AP2S1: variants seen among roughly 807,000 people sequenced by gnomAD.
The protein encoded by AP2S1 is adaptor related protein complex 2 subunit sigma 1.
AP2S1 carries 6 observed loss-of-function variants against 21.0 expected under a neutral mutation model. The observed-to-expected ratio is 0.29, with a 90% CI of 0.16 to 0.56. AP2S1 has a LOEUF of 0.56. Among genes scored for constraint, AP2S1 ranks in the 20% least tolerant of loss-of-function variants. The pLI, the probability that AP2S1 is intolerant of heterozygous loss-of-function variation, is 0.92. For synonymous variants in AP2S1, 63 were observed against 74.6 expected (o/e 0.84, Z 0.80); for missense variants, 60 against 186.2 (o/e 0.32, Z 3.95).
chr19:46,847,302 C>T (rs2055653780), intron 1 of AP2S1, among the ~76,000 whole-genome samples: 2 of 151,768 alleles, frequency 1.3e-5, no homozygotes, highest in African/African-American at 4.8e-5. Context: ...GGCGCGATCC[C>T]GCCTCACTGC....
At chr19:46,841,176 A>G (rs528939395) in intron 2 of AP2S1, among the ~76,000 whole-genome samples, 1 of 150,162 alleles carries the variant, frequency 6.7e-6, no homozygotes, top group South Asian at 2.1e-4. Flanking sequence ...CTGGTCTCCA[A>G]CTCCTGACCT....
At chr19:46,844,945 T>C (rs1172952164) in intron 2 of AP2S1, among the ~76,000 whole-genome samples, 2 of 150,858 alleles carry the variant, frequency 1.3e-5, no homozygotes, top group East Asian at 3.9e-4. Context: ...CTACTAAAAA[T>C]ACAAAAATTA....
chr19:46,840,205 T>C (rs1275046224), intron 2 of AP2S1, among the ~76,000 whole-genome samples: 1 of 151,812 alleles, frequency 6.6e-6, no homozygotes, highest in Non-Finnish European at 1.5e-5. Flanking sequence ...ACACACACCG[T>C]GAACAAACAT....
At chr19:46,848,639 C>T (rs547594596) in intron 1 of AP2S1, among the ~76,000 whole-genome samples, 1 of 152,290 alleles carries the variant, frequency 6.6e-6, no homozygotes, top group East Asian at 1.9e-4. Context: ...AGTCCAAAGG[C>T]TTTGCTCTGA....
chr19:46,845,869 T>A, intron 2 of AP2S1, 124 bp downstream of exon 2: 1 of 1,266,408 alleles, frequency 7.9e-7, no homozygotes. Flanking sequence ...TCAAAGCAGG[T>A]TGAGTGAATG....
rs1302431103 is a variant in AP2S1 at position 46,845,411 on chromosome 19, AAGT to A, written c.153+579_153+581del. Among the ~76,000 whole-genome samples, 15 of 98,494 alleles carry A rather than the reference AAGT, an allele frequency of 1.5e-4. 1 individual carries two copies. Among genetic ancestry groups the A allele is most frequent in the Admixed American group, 1.0e-3 (11 of 10,930 alleles). 64.6% of individuals were successfully genotyped at this position (98,494 alleles called of 152,430 possible). The stretch of plus-strand genomic sequence containing the variant: ...ACAGAGTAAGACTCTGTCTCAAAAA[AAGT>A]AATTAATTAATTAATTAATTAATTA... On this transcript the variant is annotated intron_variant, in intron 2 of 4. Coordinates refer to ENST00000263270, the MANE Select transcript of AP2S1 (RefSeq NM_004069.6).
At chr19:46,843,345 C>T (rs534426383) in intron 2 of AP2S1, among the ~76,000 whole-genome samples, 2 of 152,310 alleles carry the variant, frequency 1.3e-5, no homozygotes, top group African/African-American at 2.4e-5. Flanking sequence ...AGCCTCAAGT[C>T]GGCCAATGGC....
Position 46,850,751 on chromosome 19 carries a change from G to C in AP2S1, c.3+13C>G, listed in dbSNP as rs759974290. 1 of 1,577,934 alleles carries C rather than the reference G, an allele frequency of 6.3e-7. No homozygotes were observed. The highest frequency in any genetic ancestry group is 8.7e-7 in the Non-Finnish European group (1 of 1,153,344). ...CCCCTCCGCCAGTCCCCGGCGTAGCGCTCCCCCGTTACCATGGCGACCCCC... is the reference window on the plus strand; with the variant it reads ...CCCCTCCGCCAGTCCCCGGCGTAGCCCTCCCCCGTTACCATGGCGACCCCC... On this transcript the variant is annotated intron_variant, in intron 1 of 4. Coordinates refer to ENST00000263270, the MANE Select transcript of AP2S1 (RefSeq NM_004069.6).
chr19:46,838,183 G>A lies in AP2S1; in HGVS notation c.*264C>T, dbSNP rs2055444098. 2.0e-6 allele frequency: 1 copy of A among 503,518 alleles called. No homozygotes were observed. Among genetic ancestry groups the A allele is most frequent in the East Asian group, 3.4e-5 (1 of 29,206 alleles). 31.2% of individuals were successfully genotyped at this position (503,518 alleles called of 1,614,324 possible). On this transcript the variant is annotated 3_prime_UTR_variant, in exon 5 of 5. Transcript: ENST00000263270. The surrounding 1 kb of genome is among the most constrained non-coding windows in gnomAD (Gnocchi z 4.1). The stretch of plus-strand genomic sequence containing the variant: ...GACGGCAAGGCCAGGCAGGACCACA[G>A]GTTTATTGGGGACTCCACGCACAGA...
chr19:46,839,311 A>AAAT (rs2055471289), intron 3 of AP2S1, among the ~76,000 whole-genome samples, 154 bp downstream of exon 3: 1 of 129,814 alleles, frequency 7.7e-6, no homozygotes, highest in Non-Finnish European at 1.6e-5. Context: ...AAAAAAAAAA[A>AAAT]AAAAAAGAAA....
Position 46,838,516 on chromosome 19 carries a change from A to C in AP2S1, c.360T>G (p.Ala120=). 1 of 1,614,082 alleles carries C rather than the reference A, an allele frequency of 6.2e-7. No individual in the cohort carries two copies. Among genetic ancestry groups the C allele is most frequent in the Non-Finnish European group, 8.5e-7 (1 of 1,180,022 alleles). The change falls in exon 5 of 5, where the codon GCT becomes GCG. Residue 120 remains alanine (A), a synonymous_variant. Coordinates refer to ENST00000263270, the MANE Select transcript of AP2S1 (RefSeq NM_004069.6). This position sits in a 1 kb window ranked among gnomAD's most constrained non-coding sequence, Gnocchi z 4.1. ...TCTGGCTGGTCTCTCGGATTTCGCC[A>C]GCCAGGAACATCTCGTCCACGACCG... ...VYTVVDEMFL[A]GEIRETSQTK... is the part of the protein sequence containing the mutation.
chr19:46,845,405 C>T (rs1437283942), intron 2 of AP2S1, among the ~76,000 whole-genome samples: 2 of 124,972 alleles, frequency 1.6e-5, no homozygotes, highest in Non-Finnish European at 3.3e-5. Context: ...GACTCTGTCT[C>T]AAAAAAAGTA....
In AP2S1 at chr19:46,839,628, G is replaced by T. The variant is rs776498216; in HGVS notation, c.154-50C>A. On this transcript the variant is annotated intron_variant, in intron 2 of 4. Coordinates refer to ENST00000263270, the MANE Select transcript of AP2S1 (RefSeq NM_004069.6). ...AACGGAGATTGCCAGGACCTAACGT[G>T]CCAGACAGAGTGGGGCCAAAACATT... 24 of 1,612,972 alleles carry T rather than the reference G, an allele frequency of 1.5e-5. No individual in the cohort carries two copies. The East Asian group carries it at 5.1e-4, about 34-fold the overall frequency.
chr19:46,838,648 C>T lies in AP2S1; in HGVS notation c.327+92G>A. 1 of 1,570,730 alleles carries T rather than the reference C, an allele frequency of 6.4e-7. No homozygotes were observed. ...GATGCCCCTCGAGCTGGGACACAGA[C>T]CTCAGCAGAGGCTCCGGGTGGCTAG... On this transcript the variant is annotated intron_variant, in intron 4 of 4. Transcript: ENST00000263270. The surrounding 1 kb of genome is among the most constrained non-coding windows in gnomAD (Gnocchi z 4.1).
At chr19:46,845,101 A>G (rs1414671525) in intron 2 of AP2S1, among the ~76,000 whole-genome samples, 2 of 26,402 alleles carry the variant, frequency 7.6e-5, no homozygotes, top group Admixed American at 2.9e-4. Flanking sequence ...TCCATTTCAG[A>G]AAAAAAAAAA....
chr19:46,846,223 C>T (rs1042098889), intron 1 of AP2S1, 81 bp from the exon 2 acceptor site: 20 of 1,553,096 alleles, frequency 1.3e-5, no homozygotes, highest in Non-Finnish European at 1.7e-5. Flanking sequence ...CCCACCCATC[C>T]ACCCAGAGGG....
rs376875261 is a variant in AP2S1, at chr19:46,850,776, C to G, written c.-10G>C. The G allele has an allele frequency of 1.3e-6, 2 of 1,580,922 alleles. No homozygotes were observed. The highest frequency in any genetic ancestry group is 2.7e-5 in the African/African-American group (2 of 73,000). ...GCTCCCCCGTTACCATGGCGACCCCCGTCCAGACCCCAGCGGCCCCGGTCC... is the reference window on the plus strand; with the variant it reads ...GCTCCCCCGTTACCATGGCGACCCCGGTCCAGACCCCAGCGGCCCCGGTCC... On this transcript the variant is annotated 5_prime_UTR_variant, in exon 1 of 5. Transcript: ENST00000263270.
At chr19:46,839,611 T>C (rs1568444493) in intron 2 of AP2S1, 33 bp from the exon 3 acceptor site, 1 of 1,614,034 alleles carries the variant, frequency 6.2e-7, no homozygotes, top group East Asian at 2.2e-5. Context: ...GCAACGGAGA[T>C]TGCCAGGACC....
intron 2 of AP2S1, among the ~76,000 whole-genome samples, chr19:46,842,692 A>G (rs1417633649): frequency 6.6e-6 from 1 of 151,968 alleles, no homozygotes; most frequent in African/African-American, 2.4e-5. Context: ...AGGTGCCCAC[A>G]CAGCCAGAAC....
Sources: allele counts gnomAD v4.1 joint callset (sites outside exome capture counted in the v4.1 genomes callset), GRCh38; gene constraint gnomAD v4.1.1; non-coding constraint Gnocchi (gnomAD v3.1); transcripts MANE v1.5; gene names NCBI Gene and HGNC (gene_info 2026-07-23, HGNC 2026-07-21).